Variants in ROR2 observed in about 807,000 individuals in gnomAD.
ROR2 encodes the protein tyrosine-protein kinase transmembrane receptor ROR2.
A neutral mutation model predicts 74.9 loss-of-function variants in ROR2; 33 were observed. The observed-to-expected ratio is 0.44, with a 90% CI of 0.33 to 0.59. The LOEUF is 0.59. Among genes scored for constraint, ROR2 ranks in the 20% least tolerant of loss-of-function variants. ROR2 has a pLI of 0.02. For synonymous variants in ROR2, 586 were observed against 558.7 expected, an observed-to-expected ratio of 1.05 and a Z score of -0.69; for missense variants, 1,216 against 1,313.8, an observed-to-expected ratio of 0.93 and a Z score of 1.15.
intron 2 of ROR2, among the ~76,000 whole-genome samples, chr9:91,768,294 G>C (rs1826120937): frequency 6.6e-6 from 1 of 152,190 alleles, no homozygotes; most frequent in African/African-American, 2.4e-5. Context: ...CTCATCCTTT[G>C]CTAGGGTAGA....
chr9:91,870,211 C>A (rs1829754898), intron 1 of ROR2, among the ~76,000 whole-genome samples: 1 of 152,134 alleles, frequency 6.6e-6, no homozygotes, highest in Admixed American at 6.5e-5. Context: ...TTGCTGACCC[C>A]CAATCTAAGT....
chr9:91,948,816 G>T, intron 1 of ROR2: 1 of 985,506 alleles, frequency 1.0e-6, no homozygotes, highest in Non-Finnish European at 1.2e-6. Context: ...GGTCTCTGGC[G>T]CTCCTGGGCC....
At chr9:91,881,315 A>G (rs1034667660) in intron 1 of ROR2, among the ~76,000 whole-genome samples, 6 of 152,250 alleles carry the variant, frequency 3.9e-5, no homozygotes, top group Admixed American at 1.3e-4. Flanking sequence ...CCATGTCAGT[A>G]TGATCACAAA....
intron 1 of ROR2, among the ~76,000 whole-genome samples, chr9:91,795,276 G>A (rs182447810): frequency 1.4e-4 from 21 of 152,156 alleles, no homozygotes; most frequent in East Asian, 9.6e-4. Context: ...TCCATCCACC[G>A]TCTTTACATA....
At chr9:91,825,425 G>A (rs2119163571) in intron 1 of ROR2, among the ~76,000 whole-genome samples, 1 of 152,294 alleles carries the variant, frequency 6.6e-6, no homozygotes, top group South Asian at 2.1e-4. Flanking sequence ...CCTGTGGTGA[G>A]AACATAAAAC....
chr9:91,776,595 G>C (rs1826426920), intron 1 of ROR2, among the ~76,000 whole-genome samples: 2 of 152,218 alleles, frequency 1.3e-5, no homozygotes, highest in African/African-American at 4.8e-5. Flanking sequence ...CTGCACCCCT[G>C]GGGGAGGACG....
intron 1 of ROR2, among the ~76,000 whole-genome samples, chr9:91,845,663 CCTGAGGT>C (rs1216603463): frequency 6.6e-6 from 1 of 152,006 alleles, no homozygotes; most frequent in Non-Finnish European, 1.5e-5. Flanking sequence ...GGGCGGATCA[CCTGAGGT>C]CAGGCGTTTG....
Position 91,859,195 on chromosome 9 carries a change from TC to T in ROR2, c.98-83378del, listed in dbSNP as rs1167783322. On this transcript the variant is annotated intron_variant, in intron 1 of 8. Transcript: ENST00000375708. ...GCCAAGAAGGACCATCTGAAAGTAT[TC>T]CTTTTTTTTTTTTTTTTTTTTTTGA... Among the ~76,000 whole-genome samples, 790 of 127,292 alleles carry T rather than the reference TC, an allele frequency of 6.2e-3. 11 individuals carry two copies. Among genetic ancestry groups the T allele is most frequent in the African/African-American group, 0.025 (740 of 29,620 alleles). 83.5% of individuals were successfully genotyped at this position (127,292 alleles called of 152,430 possible). A position where few individuals can be genotyped will look rare whatever the true frequency, so the allele number is the denominator to read the frequency against.
intron 1 of ROR2, among the ~76,000 whole-genome samples, chr9:91,896,979 A>G (rs901651111): frequency 6.6e-6 from 1 of 152,178 alleles, no homozygotes; most frequent in African/African-American, 2.4e-5. Flanking sequence ...CAGCTCATTT[A>G]AAGAGCGAGT....
chr9:91,729,464 C>G lies in ROR2; in HGVS notation c.1183+1446G>C, dbSNP rs1414183629. Among the ~76,000 whole-genome samples the G allele has an allele frequency of 4.6e-5, 7 of 152,306 alleles. No homozygotes were observed. In the East Asian group the frequency reaches 1.3e-3, roughly 29 times the overall value. On this transcript the variant is annotated intron_variant, in intron 7 of 8. Coordinates refer to ENST00000375708, the MANE Select transcript of ROR2 (RefSeq NM_004560.4). ...GAAGATTTGTGTCTGATCTGCTGAGCCAGAGGCAATGCCAAATCTGGAGCT... is the reference window on the plus strand; with the variant it reads ...GAAGATTTGTGTCTGATCTGCTGAGGCAGAGGCAATGCCAAATCTGGAGCT...
chr9:91,913,495 G>A (rs1831045051), intron 1 of ROR2, among the ~76,000 whole-genome samples: 1 of 152,086 alleles, frequency 6.6e-6, no homozygotes, highest in African/African-American at 2.4e-5. Flanking sequence ...AATTTTTCTG[G>A]AGACTCAAAC....
chr9:91,818,492 G>C (rs1363585982), intron 1 of ROR2, among the ~76,000 whole-genome samples: 1 of 149,678 alleles, frequency 6.7e-6, no homozygotes, highest in East Asian at 2.0e-4. Flanking sequence ...CTCCAAAAGG[G>C]CCCCTCATGC....
rs1365019676 is a variant in ROR2, at chr9:91,726,566, ATTTCCATG to A, written c.1353_1360del (p.Met452AlafsTer4). 2.5e-6 allele frequency: 4 copies of A among 1,612,868 alleles called. No homozygotes were observed. In the South Asian group the frequency reaches 4.4e-5, roughly 18 times the overall value. ...CTGTTTGTGCTGGTTAATGAGGGGC[ATTTCCATG>A]TCTTGGCTGGGCGAGGCCATCAGCT... On this transcript the variant is annotated frameshift_variant, in exon 8 of 9. Coordinates refer to ENST00000375708, the MANE Select transcript of ROR2 (RefSeq NM_004560.4). LOFTEE classifies it low-confidence loss of function (END_TRUNC).
chr9:91,781,058 T>C (rs1028252165), intron 1 of ROR2, among the ~76,000 whole-genome samples: 2 of 152,270 alleles, frequency 1.3e-5, no homozygotes, highest in African/African-American at 4.8e-5. Context: ...ATGCTTACTG[T>C]GATGCAATTA....
chr9:91,943,867 A>G (rs754484359), intron 1 of ROR2, among the ~76,000 whole-genome samples: 4 of 152,226 alleles, frequency 2.6e-5, no homozygotes, highest in Non-Finnish European at 4.4e-5. Context: ...ATACCAAAAA[A>G]TGAGAATAAA....
At chr9:91,750,262 T>C (rs562284091) in intron 4 of ROR2, among the ~76,000 whole-genome samples, 1 of 152,160 alleles carries the variant, frequency 6.6e-6, no homozygotes, top group African/African-American at 2.4e-5. Context: ...TTATCTACCA[T>C]AGTTATTTTC....
intron 1 of ROR2, among the ~76,000 whole-genome samples, chr9:91,808,645 T>G (rs1007627490): frequency 4.7e-5 from 7 of 147,824 alleles, no homozygotes; most frequent in African/African-American, 1.8e-4. Context: ...TAAATTATCA[T>G]GCATTGTAAG....
At chr9:91,732,471 C>T (rs1000056039) in intron 6 of ROR2, among the ~76,000 whole-genome samples, 1 of 152,190 alleles carries the variant, frequency 6.6e-6, no homozygotes, top group Admixed American at 6.5e-5. Flanking sequence ...CCCCCTCCCC[C>T]ACGCTCATCC....
Position 91,949,872 on chromosome 9 carries a change from G to T in ROR2, c.92C>A (p.Thr31Asn). Residue 31 changes from threonine (T) to asparagine (N), a missense_variant, in exon 1 of 9, where the codon ACT (threonine) becomes AAT (asparagine). Thr to Asn is a moderately conservative substitution (Grantham distance 65, BLOSUM62 0). Coordinates refer to ENST00000375708, the MANE Select transcript of ROR2 (RefSeq NM_004560.4). ...AAALLLSVSR[T>N]SGEVEVLDPN... ...GCCGGAACGCCAGATCCTACCTGAA[G>T]TCCGGGACACTGAGAGCAGAAGCGC... is the stretch of plus-strand genomic sequence containing the variant. The T allele has an allele frequency of 6.5e-7, 1 of 1,537,892 alleles. No individual in the cohort carries two copies.
Sources: gnomAD v4.1 joint callset for allele counts (sites outside exome capture counted in the v4.1 genomes callset) on GRCh38, gnomAD v4.1.1 for gene constraint, MANE v1.5 for transcripts, NCBI Gene and HGNC (gene_info 2026-07-23, HGNC 2026-07-21) for gene names.